Variants in DOCK3 observed in about 807,000 individuals in gnomAD.
The protein encoded by DOCK3 is dedicator of cytokinesis 3.
A neutral mutation model predicts 265.6 loss-of-function variants in DOCK3; 60 were observed. The ratio of observed to expected loss-of-function variants is 0.23; its 90% CI spans 0.18 to 0.28. The LOEUF is 0.28. Ranked by LOEUF, DOCK3 falls within the 10% of genes least tolerant of loss-of-function variation. The pLI is 1.00. For synonymous variants in DOCK3, 881 were observed against 938.0 expected, an observed-to-expected ratio of 0.94 and a Z score of 1.11; for missense variants, 1,981 against 2,594.3, an observed-to-expected ratio of 0.76 and a Z score of 5.14.
chr3:50,953,486 T>C (rs1022171821), intron 5 of DOCK3, among the ~76,000 whole-genome samples: 1 of 152,068 alleles, frequency 6.6e-6, no homozygotes, highest in African/African-American at 2.4e-5. Context: ...TGAGAACTCA[T>C]AGGAACAGGA....
intron 9 of DOCK3, among the ~76,000 whole-genome samples, chr3:51,115,459 T>C (rs2083694922): frequency 6.6e-6 from 1 of 152,248 alleles, no homozygotes; most frequent in African/African-American, 2.4e-5. Flanking sequence ...GAAGTGTCTG[T>C]TGATATCCTT....
chr3:51,135,114 C>T (rs992462099), intron 9 of DOCK3, among the ~76,000 whole-genome samples: 11 of 152,174 alleles, frequency 7.2e-5, no homozygotes, highest in African/African-American at 2.7e-4. Context: ...TTTTTAGCTG[C>T]CTGTTTTCTG....
At chr3:51,214,278 A>G (rs373945750) in intron 14 of DOCK3, 31 bp downstream of exon 14, 73 of 1,611,056 alleles carry the variant, frequency 4.5e-5, no homozygotes, top group Non-Finnish European at 5.9e-5. Flanking sequence ...CTGGGAAGGA[A>G]GATGGGTTAG....
At chr3:50,821,392 C>T (rs541355288) in intron 2 of DOCK3, among the ~76,000 whole-genome samples, 11 of 152,056 alleles carry the variant, frequency 7.2e-5, no homozygotes, top group South Asian at 4.2e-4. Context: ...CTCCGCCTCC[C>T]GGGTTCACGC....
At chr3:51,259,924 G>A (rs1287194068) in intron 22 of DOCK3, among the ~76,000 whole-genome samples, 1 of 152,174 alleles carries the variant, frequency 6.6e-6, no homozygotes, top group East Asian at 1.9e-4. Context: ...GAAAACAGTT[G>A]TGAAATTATT....
chr3:50,800,260 A>T (rs902065377), intron 2 of DOCK3, among the ~76,000 whole-genome samples: 2 of 152,174 alleles, frequency 1.3e-5, no homozygotes, highest in Admixed American at 1.3e-4. Flanking sequence ...GTTTGAGAAG[A>T]CTTGGTATTA....
rs899939081 is a variant in DOCK3 at position 50,897,570 on chromosome 3, A to G, written c.218+7489A>G. Among the ~76,000 whole-genome samples the G allele has an allele frequency of 2.6e-5, 4 of 152,174 alleles. No homozygotes were observed. The East Asian group carries it at 7.7e-4, about 29-fold the overall frequency. On this transcript the variant is annotated intron_variant, in intron 4 of 52. Coordinates refer to ENST00000266037, the MANE Select transcript of DOCK3 (RefSeq NM_004947.5). ...TCCTTGTCTTGTGCCAGTTTTCAAA[A>G]GGAATGCTTCCAGCTTTTGCCCATT...
At chr3:50,971,854 G>A (rs1012500689) in intron 5 of DOCK3, among the ~76,000 whole-genome samples, 2 of 152,170 alleles carry the variant, frequency 1.3e-5, no homozygotes, top group Non-Finnish European at 2.9e-5. Flanking sequence ...CCAGTGCCAG[G>A]CACAAGCACC....
intron 14 of DOCK3, among the ~76,000 whole-genome samples, chr3:51,217,531 G>A (rs2089853217): frequency 6.6e-6 from 1 of 152,106 alleles, no homozygotes; most frequent in Non-Finnish European, 1.5e-5. Context: ...TTAAAAAACT[G>A]AACATGTAAC....
intron 21 of DOCK3, among the ~76,000 whole-genome samples, chr3:51,245,228 T>G (rs1009421753): frequency 6.6e-6 from 1 of 151,964 alleles, no homozygotes; most frequent in South Asian, 2.1e-4. Flanking sequence ...TCCCGGCTGC[T>G]TGGGAGGCTG....
chr3:51,072,074 G>T (rs2081897837), intron 6 of DOCK3, among the ~76,000 whole-genome samples: 2 of 152,180 alleles, frequency 1.3e-5, no homozygotes, highest in Admixed American at 1.3e-4. Context: ...TTCTAGGAGA[G>T]GGAAAACACT....
chr3:51,122,461 A>T (rs564809657), intron 9 of DOCK3, among the ~76,000 whole-genome samples: 1 of 152,332 alleles, frequency 6.6e-6, no homozygotes, highest in East Asian at 1.9e-4. Flanking sequence ...TAAAAGAAAG[A>T]TAGAGAAAGA....
At chr3:50,979,147 T>A (rs954084883) in intron 5 of DOCK3, among the ~76,000 whole-genome samples, 1 of 152,252 alleles carries the variant, frequency 6.6e-6, no homozygotes, top group Non-Finnish European at 1.5e-5. Flanking sequence ...GAGCTGTTCC[T>A]ATTCGGCCAT....
intron 3 of DOCK3, among the ~76,000 whole-genome samples, chr3:50,869,333 C>T (rs9865883): frequency 3.5e-5 from 2 of 57,554 alleles, no homozygotes; most frequent in African/African-American, 6.9e-5. Flanking sequence ...TTATTTATTT[C>T]TGCTGGGAAT....
intron 22 of DOCK3, among the ~76,000 whole-genome samples, chr3:51,259,709 G>T (rs960942342): frequency 6.6e-6 from 1 of 152,094 alleles, no homozygotes; most frequent in African/African-American, 2.4e-5. Flanking sequence ...AAAGATGTAG[G>T]AGACTCCTAA....
chr3:51,228,616 G>T (rs376277694), intron 17 of DOCK3, 45 bp from the exon 18 acceptor site: 73 of 1,566,422 alleles, frequency 4.7e-5, no homozygotes, highest in Non-Finnish European at 6.1e-5. Context: ...GTTTTTGCAT[G>T]TTGCATGGCT....
At chr3:50,969,942 G>A (rs533833169) in intron 5 of DOCK3, among the ~76,000 whole-genome samples, 1 of 152,182 alleles carries the variant, frequency 6.6e-6, no homozygotes, top group South Asian at 2.1e-4. Context: ...CATGGTGGCG[G>A]GCGCCTGTAG....
intron 12 of DOCK3, among the ~76,000 whole-genome samples, chr3:51,166,005 AATT>A (rs1229892901): frequency 6.7e-6 from 1 of 148,830 alleles, no homozygotes; most frequent in African/African-American, 2.4e-5. Context: ...TATTATGTAT[AATT>A]ATATATATTA....
chr3:51,311,645 G>C (rs2083071988), intron 28 of DOCK3, among the ~76,000 whole-genome samples: 2 of 152,034 alleles, frequency 1.3e-5, no homozygotes, highest in East Asian at 1.9e-4. Flanking sequence ...CAAAATACTA[G>C]AACTACTCTG....
Sources: gnomAD v4.1 joint callset for allele counts (sites outside exome capture counted in the v4.1 genomes callset) on GRCh38, gnomAD v4.1.1 for gene constraint, MANE v1.5 for transcripts, NCBI Gene and HGNC (gene_info 2026-07-23, HGNC 2026-07-21) for gene names.